Variants in DTD1 observed in about 807,000 individuals in gnomAD.
DTD1 encodes D-aminoacyl-tRNA deacylase 1, also known as D-tyrosyl-tRNA deacylase 1 homolog.
In DTD1, 13 loss-of-function variants were observed where a neutral mutation model predicts 25.6. The observed-to-expected ratio is 0.51, with a 90% CI of 0.33 to 0.81. The LOEUF (loss-of-function observed/expected upper bound fraction) is 0.81, where lower values mean the gene tolerates loss of function less well. Among genes scored for constraint, DTD1 ranks in the 30% least tolerant of loss-of-function variants. DTD1 has a pLI of 0.02. For synonymous variants in DTD1, 110 were observed against 103.6 expected (o/e 1.06, Z -0.37); for missense variants, 193 against 266.4 (o/e 0.72, Z 1.92).
At chr20:18,717,858 A>G (rs1159958504) in intron 4 of DTD1, among the ~76,000 whole-genome samples, 1 of 152,212 alleles carries the variant, frequency 6.6e-6, no homozygotes, top group Non-Finnish European at 1.5e-5. Context: ...CTCAGTCTAC[A>G]GAGGGTGCCA....
intron 4 of DTD1, chr20:18,632,251 A>G (rs1027818271): frequency 1.0e-6 from 1 of 985,314 alleles, no homozygotes; most frequent in African/African-American, 1.7e-5. Context: ...ACTTTTAGTT[A>G]TTTCTGAATC....
chr20:18,638,069 G>A (rs912163147), intron 4 of DTD1, among the ~76,000 whole-genome samples: 16 of 152,170 alleles, frequency 1.1e-4, no homozygotes, highest in African/African-American at 2.9e-4. Flanking sequence ...CAAGGATTTC[G>A]TAGTGGTAAT....
At chr20:18,708,093 G>T (rs1392046353) in intron 4 of DTD1, among the ~76,000 whole-genome samples, 1 of 146,698 alleles carries the variant, frequency 6.8e-6, no homozygotes, top group Non-Finnish European at 1.5e-5. Context: ...TGTGCCGTGG[G>T]TATACAGTAC....
chr20:18,696,412 G>A (rs926398058), intron 4 of DTD1, among the ~76,000 whole-genome samples: 7 of 152,092 alleles, frequency 4.6e-5, no homozygotes, highest in African/African-American at 1.7e-4. Flanking sequence ...AGCCCTTCAG[G>A]TCAGGTGCCC....
intron 4 of DTD1, among the ~76,000 whole-genome samples, chr20:18,673,717 C>T (rs900207198): frequency 6.6e-5 from 10 of 152,230 alleles, no homozygotes; most frequent in African/African-American, 2.4e-4. Flanking sequence ...TACCAGTCCT[C>T]AGAGAGGTAG....
intron 4 of DTD1, among the ~76,000 whole-genome samples, chr20:18,635,550 C>T (rs571152777): frequency 6.7e-6 from 1 of 150,108 alleles, no homozygotes; most frequent in Admixed American, 6.6e-5. Context: ...CTCCTGACCT[C>T]ACTCAGCCCA....
At position 18,748,170 on chromosome 20, in the gene DTD1, C is replaced by T. The variant is rs1057298130; in HGVS notation, c.*19+3899C>T. Among the ~76,000 whole-genome samples, 128 of 112,744 alleles carry T rather than the reference C, an allele frequency of 1.1e-3. 1 individual carries two copies. The highest frequency in any genetic ancestry group is 1.8e-3 in the Non-Finnish European group (89 of 50,680). 74.0% of individuals were successfully genotyped at this position (112,744 alleles called of 152,430 possible). ...GATTATCAAGCTAAACACACTGGCACGCATACACACACACACACACACACA... is the reference window on the plus strand; with the variant it reads ...GATTATCAAGCTAAACACACTGGCATGCATACACACACACACACACACACA... On this transcript the variant is annotated intron_variant, in intron 5 of 5. Coordinates refer to ENST00000377452, the MANE Select transcript of DTD1 (RefSeq NM_080820.6).
At chr20:18,630,988 C>T in intron 4 of DTD1, 5 of 857,062 alleles carry the variant, frequency 5.8e-6, no homozygotes, top group Non-Finnish European at 7.0e-6. Context: ...GTGATACCAG[C>T]CTTATTACTT....
rs181787211 is a variant in DTD1 at position 18,733,123 on chromosome 20, G to A, written c.478-10977G>A. On this transcript the variant is annotated intron_variant, in intron 4 of 5. Transcript: ENST00000377452. ...AAGGGAGGAAAGCCTAAAAGGGCAC[G>A]TTAACCATCCCAGGTGTCCTCAGGG... is the stretch of plus-strand genomic sequence containing the variant. Among the ~76,000 whole-genome samples the A allele has an allele frequency of 1.3e-3, 200 of 152,288 alleles. 1 individual carries two copies. Among genetic ancestry groups the A allele is most frequent in the African/African-American group, 4.6e-3 (191 of 41,552 alleles).
At chr20:18,614,281 C>T (rs1204435780) in intron 3 of DTD1, among the ~76,000 whole-genome samples, 1 of 152,154 alleles carries the variant, frequency 6.6e-6, no homozygotes, top group Non-Finnish European at 1.5e-5. Context: ...GCTGGCCACC[C>T]TAAGAAGCAG....
chr20:18,643,344 A>G, intron 4 of DTD1: 1 of 254,392 alleles, frequency 3.9e-6, no homozygotes, highest in Non-Finnish European at 8.3e-6. Flanking sequence ...TGGCTTCTCT[A>G]CCAGGTTGAT....
chr20:18,729,858 T>A (rs558596115), intron 4 of DTD1, among the ~76,000 whole-genome samples: 5 of 152,266 alleles, frequency 3.3e-5, no homozygotes, highest in African/African-American at 9.6e-5. Context: ...GCCCCTTATG[T>A]TCATCACCTC....
intron 3 of DTD1, among the ~76,000 whole-genome samples, chr20:18,625,349 C>T (rs1238975920): frequency 1.3e-5 from 2 of 152,248 alleles, no homozygotes; most frequent in Admixed American, 1.3e-4. Flanking sequence ...TAGGACTTGT[C>T]ATTCCTAGAG....
intron 4 of DTD1, among the ~76,000 whole-genome samples, chr20:18,705,320 T>C (rs2061121932): frequency 6.6e-6 from 1 of 152,194 alleles, no homozygotes; most frequent in Non-Finnish European, 1.5e-5. Flanking sequence ...AGTTCATCAC[T>C]ATCCTCACAC....
At chr20:18,648,778 C>T (rs927203575) in intron 4 of DTD1, among the ~76,000 whole-genome samples, 5 of 151,916 alleles carry the variant, frequency 3.3e-5, no homozygotes, top group South Asian at 2.1e-4. Flanking sequence ...GGGCGGATCA[C>T]GAGGTCAGGA....
chr20:18,622,252 G>A (rs751176150), intron 3 of DTD1, among the ~76,000 whole-genome samples: 21 of 151,818 alleles, frequency 1.4e-4, no homozygotes, highest in African/African-American at 4.1e-4. Context: ...CCCCCTGAAA[G>A]GCCCTGGTGT....
rs140341803 is a variant in DTD1 at position 18,596,108 on chromosome 20, G to A, written c.237G>A (p.Gln79=). The part of the protein sequence containing the change: ...DKQYEILCVS[Q]FTLQCVLKGN... ...AGTACGAGATTCTGTGTGTCAGCCA[G>A]TTTACCCTCCAGTGTGTCCTGAAGG... The change falls in exon 3 of 6, where the codon CAG becomes CAA. Residue 79 remains glutamine (Q), a synonymous_variant. Coordinates refer to ENST00000377452, the MANE Select transcript of DTD1 (RefSeq NM_080820.6). The A allele has an allele frequency of 7.1e-5, 114 of 1,614,082 alleles. No homozygotes were observed. The highest frequency in any genetic ancestry group is 9.7e-5 in the Non-Finnish European group (114 of 1,180,040).
chr20:18,614,660 G>A (rs754365837), intron 3 of DTD1, among the ~76,000 whole-genome samples: 5 of 152,120 alleles, frequency 3.3e-5, no homozygotes, highest in Non-Finnish European at 5.9e-5. Context: ...AAAGACAGCC[G>A]GGAGAGAGAT....
At chr20:18,695,380 C>T (rs903550450) in intron 4 of DTD1, among the ~76,000 whole-genome samples, 1 of 144,158 alleles carries the variant, frequency 6.9e-6, no homozygotes, top group African/African-American at 2.6e-5. Context: ...CTCATCCCTT[C>T]CATAAGGGAA....
Sources: gnomAD v4.1 joint callset for allele counts (sites outside exome capture counted in the v4.1 genomes callset) on GRCh38, gnomAD v4.1.1 for gene constraint, MANE v1.5 for transcripts, NCBI Gene and HGNC (gene_info 2026-07-23, HGNC 2026-07-21) for gene names.